KCNT2: variants seen among roughly 807,000 people sequenced by gnomAD.
The protein encoded by KCNT2 is potassium sodium-activated channel subfamily T member 2.
In KCNT2, 67 loss-of-function variants were observed where a neutral mutation model predicts 153.8. That is an observed-to-expected ratio of 0.44 (90% CI 0.36 to 0.53). The LOEUF (loss-of-function observed/expected upper bound fraction) is 0.53. KCNT2 is among the 20% of genes least tolerant of loss of function. KCNT2 has a pLI of 0.00. For synonymous variants in KCNT2, 500 were observed against 458.8 expected (o/e 1.09, Z -1.15); for missense variants, 975 against 1,354.8 (o/e 0.72, Z 4.40).
intron 14 of KCNT2, among the ~76,000 whole-genome samples, chr1:196,348,639 T>TA (rs913880606): frequency 2.0e-5 from 3 of 152,056 alleles, no homozygotes; most frequent in South Asian, 4.1e-4. Flanking sequence ...TCTCGGATTT[T>TA]AAAAAAAGTT....
At chr1:196,260,485 C>G (rs903612465) in intron 25 of KCNT2, among the ~76,000 whole-genome samples, 2 of 151,416 alleles carry the variant, frequency 1.3e-5, no homozygotes, top group African/African-American at 2.4e-5. Context: ...TTTTGAATAC[C>G]CCCAAGAGAA....
At chr1:196,415,335 A>G (rs74136541) in intron 12 of KCNT2, among the ~76,000 whole-genome samples, 3,032 of 151,984 alleles carry the variant, frequency 0.02, 93 homozygotes, top group African/African-American at 0.069. Context: ...TGTGTAAGAC[A>G]TAATGTAGTG....
intron 5 of KCNT2, among the ~76,000 whole-genome samples, 175 bp downstream of exon 5, chr1:196,479,004 A>C (rs1264299723): frequency 2.6e-5 from 4 of 152,222 alleles, no homozygotes; most frequent in African/African-American, 9.7e-5. Context: ...GTAAGTCATC[A>C]AGGAAAACAT....
chr1:196,320,768 C>T (rs1663224581), intron 19 of KCNT2, among the ~76,000 whole-genome samples: 1 of 151,006 alleles, frequency 6.6e-6, no homozygotes, highest in Non-Finnish European at 1.5e-5. Context: ...TTAAATTTCT[C>T]CTATCATTAA....
chr1:196,406,249 T>C (rs1671820531), intron 12 of KCNT2, among the ~76,000 whole-genome samples: 1 of 151,558 alleles, frequency 6.6e-6, no homozygotes. Context: ...CTATAACTAA[T>C]TGACCTAACT....
intron 25 of KCNT2, among the ~76,000 whole-genome samples, chr1:196,264,672 G>A (rs1321483079): frequency 1.3e-5 from 2 of 151,814 alleles, no homozygotes; most frequent in Admixed American, 1.3e-4. Context: ...TTGCTCTGTT[G>A]CCTAGGCTGG....
chr1:196,593,703 T>C (rs1019505156), intron 1 of KCNT2, among the ~76,000 whole-genome samples: 2 of 151,934 alleles, frequency 1.3e-5, no homozygotes, highest in Non-Finnish European at 1.5e-5. Flanking sequence ...ATTAAAAATT[T>C]AAAAAACTGG....
rs769278916 is a variant in KCNT2, at chr1:196,465,260, A to G, written c.638+33T>C. On this transcript the variant is annotated intron_variant, in intron 8 of 27. Transcript: ENST00000294725. ...CCTTTAGAAATTATAATTAAATGAA[A>G]CATAACACAAATTCTGATATGTACA... is the stretch of plus-strand genomic sequence containing the variant. 4 of 1,112,664 alleles carry G rather than the reference A, an allele frequency of 3.6e-6. No individual in the cohort carries two copies. In the Admixed American group the frequency reaches 6.2e-5, roughly 17 times the overall value. 68.9% of individuals were successfully genotyped at this position (1,112,664 alleles called of 1,614,324 possible). A position where few individuals can be genotyped will look rare whatever the true frequency, so the allele number is the denominator to read the frequency against.
Position 196,315,940 on chromosome 1 carries a change from T to C in KCNT2, c.2435A>G (p.Asp812Gly). The change falls in exon 21 of 28, where the codon GAC becomes GGC. Residue 812 changes from aspartate to glycine, a missense_variant. Around this residue, in one of 6 missense-constraint regions of KCNT2, gnomAD observed 66 missense variants for 147.9 expected, o/e 0.45. Coordinates refer to ENST00000294725, the MANE Select transcript of KCNT2 (RefSeq NM_198503.5). Reference protein sequence around the residue: ...DKESTMSAEEDYMADAKTIVN... With the variant: ...DKESTMSAEEGYMADAKTIVN... ...AATGGTTTTGGCATCTGCCATGTAG[T>C]CTTCCTCGGCACTCATGGTGCTCTC... The C allele has an allele frequency of 6.2e-7, 1 of 1,610,188 alleles. No homozygotes were observed. Among genetic ancestry groups the C allele is most frequent in the Non-Finnish European group, 8.5e-7 (1 of 1,177,670 alleles).
At chr1:196,446,991 T>C (rs1675743365) in intron 8 of KCNT2, among the ~76,000 whole-genome samples, 1 of 151,584 alleles carries the variant, frequency 6.6e-6, no homozygotes, top group South Asian at 2.1e-4. Flanking sequence ...GTTCAAAACA[T>C]GGCTAGTATG....
At chr1:196,334,483 C>CTTT (rs757677685) in intron 16 of KCNT2, among the ~76,000 whole-genome samples, 3 of 42,340 alleles carry the variant, frequency 7.1e-5, no homozygotes, top group Non-Finnish European at 7.8e-5. Context: ...TTCTTTCTTT[C>CTTT]TTTCTTTTTT....
At chr1:196,548,205 A>G (rs1384470442) in intron 1 of KCNT2, among the ~76,000 whole-genome samples, 1 of 152,000 alleles carries the variant, frequency 6.6e-6, no homozygotes, top group Non-Finnish European at 1.5e-5. Flanking sequence ...ATAGTTCTTT[A>G]AAGTATTCCT....
rs973957346 is a variant in KCNT2, at chr1:196,226,712, A to G, written c.*1512T>C. On this transcript the variant is annotated 3_prime_UTR_variant, in exon 28 of 28. Coordinates refer to ENST00000294725, the MANE Select transcript of KCNT2 (RefSeq NM_198503.5). Reference sequence around the variant, plus strand: ...TGTAGAATTATTGAGAGTACATTAGAATATCTTTTCTTTAAAAATTTTATT... The same window carrying G: ...TGTAGAATTATTGAGAGTACATTAGGATATCTTTTCTTTAAAAATTTTATT... 2 of 151,988 alleles carry G rather than the reference A, an allele frequency of 1.3e-5. No individual in the cohort carries two copies. The highest frequency in any genetic ancestry group is 2.9e-5 in the Non-Finnish European group (2 of 67,864). 9.4% of individuals were successfully genotyped at this position (151,988 alleles called of 1,614,324 possible). A position where few individuals can be genotyped will look rare whatever the true frequency, so the allele number is the denominator to read the frequency against.
intron 12 of KCNT2, among the ~76,000 whole-genome samples, chr1:196,412,307 C>T (rs1672402858): frequency 6.6e-6 from 1 of 151,618 alleles, no homozygotes; most frequent in South Asian, 2.1e-4. Context: ...AGATAAGCTC[C>T]ATGAGAATGG....
At chr1:196,361,143 G>T (rs1007796774) in intron 14 of KCNT2, among the ~76,000 whole-genome samples, 4 of 151,850 alleles carry the variant, frequency 2.6e-5, no homozygotes, top group African/African-American at 9.7e-5. Flanking sequence ...TAGGTTAAAA[G>T]AACCGGTTGA....
chr1:196,333,738 G>A, intron 17 of KCNT2, 109 bp downstream of exon 17: 1 of 683,654 alleles, frequency 1.5e-6, no homozygotes, highest in Non-Finnish European at 2.6e-6. Flanking sequence ...AGGATGTTCA[G>A]AAGGAAAGAT....
At chr1:196,274,677 G>T (rs1324077856) in intron 25 of KCNT2, among the ~76,000 whole-genome samples, 1 of 151,806 alleles carries the variant, frequency 6.6e-6, no homozygotes, top group African/African-American at 2.4e-5. Flanking sequence ...GAAGCTACAA[G>T]ATTTATTCAC....
intron 1 of KCNT2, among the ~76,000 whole-genome samples, chr1:196,587,520 A>G (rs1266755692): frequency 6.6e-6 from 1 of 152,074 alleles, no homozygotes; most frequent in Non-Finnish European, 1.5e-5. Context: ...ACAAGATATT[A>G]TCATTTATTA....
In KCNT2 at chr1:196,282,300, A is replaced by C. The variant is rs545851328; in HGVS notation, c.2754T>G (p.Thr918=). Residue 918 remains threonine (T), a synonymous_variant, in exon 24 of 28, where the codon ACT becomes ACG. Transcript: ENST00000294725. ...AACAAAGAAACCCAGATCCTGGTGT[A>C]GTGTCCAGTCCCAACAGAAGTCTCG... is the stretch of plus-strand genomic sequence containing the variant. ...SITRLLLGLD[T]TPGSGFLCSM... 22 of 1,600,228 alleles carry C rather than the reference A, an allele frequency of 1.4e-5. No homozygotes were observed. The East Asian group carries it at 3.4e-4, about 24-fold the overall frequency.
Sources: gnomAD v4.1 joint callset for allele counts (sites outside exome capture counted in the v4.1 genomes callset) on GRCh38, gnomAD v4.1.1 for gene constraint, gnomAD v4.1.1 regional missense constraint, MANE v1.5 for transcripts, NCBI Gene and HGNC (gene_info 2026-07-23, HGNC 2026-07-21) for gene names.